ABCB5: variants seen among roughly 807,000 people sequenced by gnomAD.
The protein encoded by ABCB5 is ATP-binding cassette sub-family B member 5.
ABCB5 carries 155 observed loss-of-function variants against 144.2 expected under a neutral mutation model. That is an observed-to-expected ratio of 1.08 (90% CI 0.94 to 1.23). ABCB5 has a LOEUF of 1.23. Ranked by LOEUF, ABCB5 falls within the 50% of genes most tolerant of loss-of-function variation. The pLI is 0.00. For synonymous variants in ABCB5, 610 were observed against 528.6 expected (o/e 1.15, Z -2.11); for missense variants, 1,830 against 1,520.8 (o/e 1.20, Z -3.38).
chr7:20,659,299 C>T (rs1172407188), intron 14 of ABCB5: 70 of 1,431,276 alleles, frequency 4.9e-5, no homozygotes, highest in Non-Finnish European at 5.9e-5. Flanking sequence ...ACAGTTTTCT[C>T]GATGGCCTGA....
chr7:20,637,101 G>A (rs1344405954), intron 5 of ABCB5, among the ~76,000 whole-genome samples: 5 of 152,112 alleles, frequency 3.3e-5, no homozygotes, highest in African/African-American at 9.7e-5. Context: ...ATTAGCATCT[G>A]TGGAACTAAT....
intron 14 of ABCB5, among the ~76,000 whole-genome samples, chr7:20,674,749 T>TACACACACAC (rs71555815): frequency 2.2e-4 from 31 of 140,344 alleles, no homozygotes; most frequent in African/African-American, 5.5e-4. Flanking sequence ...CTCTAAAGAC[T>TACACACACAC]ACACACACAC....
At chr7:20,623,401 A>C in intron 2 of ABCB5, 63 bp downstream of exon 2, 1 of 1,288,006 alleles carries the variant, frequency 7.8e-7, no homozygotes. Context: ...CATCCTTTCC[A>C]CACCTATAGC....
At chr7:20,663,994 G>T (rs1161133929) in intron 14 of ABCB5, among the ~76,000 whole-genome samples, 1 of 151,066 alleles carries the variant, frequency 6.6e-6, no homozygotes, top group Non-Finnish European at 1.5e-5. Context: ...GGGTTTACAG[G>T]CATGAGCCAC....
At chr7:20,727,863 T>TC (rs926837604) in intron 22 of ABCB5, among the ~76,000 whole-genome samples, 1 of 152,060 alleles carries the variant, frequency 6.6e-6, no homozygotes, top group Non-Finnish European at 1.5e-5. Context: ...AGTGATGCTT[T>TC]TTATATTACT....
At chr7:20,652,334 G>A (rs1314727670) in intron 13 of ABCB5, among the ~76,000 whole-genome samples, 1 of 152,156 alleles carries the variant, frequency 6.6e-6, no homozygotes, top group Admixed American at 6.5e-5. Flanking sequence ...GTGGGAGGCC[G>A]AGGTGGGCAG....
At chr7:20,669,366 CA>C (rs1785379042) in intron 14 of ABCB5, among the ~76,000 whole-genome samples, 1 of 146,134 alleles carries the variant, frequency 6.8e-6, no homozygotes, top group Non-Finnish European at 1.5e-5. Context: ...GGAGACTTTT[CA>C]TTTTGTTCTG....
chr7:20,744,775 A>T (rs923326726), intron 25 of ABCB5, among the ~76,000 whole-genome samples: 19 of 151,752 alleles, frequency 1.3e-4, no homozygotes, highest in South Asian at 4.2e-4. Flanking sequence ...TAATAAAATT[A>T]AAAAAATATA....
intron 3 of ABCB5, among the ~76,000 whole-genome samples, chr7:20,628,057 G>A (rs1441625381): frequency 6.6e-6 from 1 of 152,010 alleles, no homozygotes; most frequent in African/African-American, 2.4e-5. Flanking sequence ...TGTTCACAAC[G>A]TGCAGGTTTG....
chr7:20,732,314 A>T (rs1782246444), intron 23 of ABCB5, among the ~76,000 whole-genome samples: 1 of 151,858 alleles, frequency 6.6e-6, no homozygotes, highest in African/African-American at 2.4e-5. Flanking sequence ...AGTTCCCCTA[A>T]CCCTCCCTCC....
chr7:20,652,512 G>C (rs1222281178), intron 13 of ABCB5, among the ~76,000 whole-genome samples: 1 of 152,208 alleles, frequency 6.6e-6, no homozygotes, highest in African/African-American at 2.4e-5. Flanking sequence ...GGAGATTGCA[G>C]TGAGCTGAGA....
intron 20 of ABCB5, among the ~76,000 whole-genome samples, chr7:20,710,394 C>A (rs1434331691): frequency 2.5e-4 from 22 of 87,954 alleles, no homozygotes; most frequent in East Asian, 9.9e-4. Flanking sequence ...GGGGGGGGGG[C>A]ATGACTGTGT....
Position 20,651,290 on chromosome 7 carries a change from A to C in ABCB5, c.1333-130A>C, listed in dbSNP as rs1426780586. On this transcript the variant is annotated intron_variant, in intron 12 of 27. Coordinates refer to ENST00000404938, the MANE Select transcript of ABCB5 (RefSeq NM_001163941.2). The stretch of plus-strand genomic sequence containing the variant: ...ACAATATATATGTTAGAAATATTTT[A>C]TCAAAATATAGTCAGTCTTTGATTT... 8 of 814,744 alleles carry C rather than the reference A, an allele frequency of 9.8e-6. No homozygotes were observed. The African/African-American group carries it at 1.2e-4, about 12-fold the overall frequency. 50.5% of individuals were successfully genotyped at this position (814,744 alleles called of 1,614,324 possible).
chr7:20,639,217 A>G (rs1484355036), intron 5 of ABCB5, among the ~76,000 whole-genome samples: 4 of 152,190 alleles, frequency 2.6e-5, no homozygotes, highest in Admixed American at 2.6e-4. Context: ...TCTTCTTATT[A>G]TTAAGTGGTA....
intron 5 of ABCB5, among the ~76,000 whole-genome samples, chr7:20,636,970 T>C (rs897494767): frequency 2.6e-5 from 4 of 152,104 alleles, no homozygotes; most frequent in Non-Finnish European, 5.9e-5. Context: ...ATCCGATACA[T>C]AGGATACATA....
At chr7:20,746,631 T>C (rs775677176) in intron 26 of ABCB5, among the ~76,000 whole-genome samples, 9 of 152,282 alleles carry the variant, frequency 5.9e-5, no homozygotes, top group Middle Eastern at 6.8e-3. Flanking sequence ...CTGTGGCAAT[T>C]GGCACAAAAT....
intron 26 of ABCB5, among the ~76,000 whole-genome samples, chr7:20,745,674 T>C (rs182165272): frequency 2.0e-5 from 3 of 152,356 alleles, no homozygotes; most frequent in Admixed American, 2.0e-4. Flanking sequence ...TTTCACATTT[T>C]GTTATTTGCC....
At chr7:20,638,085 T>TTTTG (rs1199957882) in intron 5 of ABCB5, among the ~76,000 whole-genome samples, 1 of 152,120 alleles carries the variant, frequency 6.6e-6, no homozygotes, top group African/African-American at 2.4e-5. Context: ...GAGTGTGTTG[T>TTTTG]TTTGTTTGTT....
chr7:20,622,180 A>C (rs1783817872), intron 1 of ABCB5, among the ~76,000 whole-genome samples: 1 of 152,130 alleles, frequency 6.6e-6, no homozygotes, highest in South Asian at 2.1e-4. Context: ...GCGAGGCTTA[A>C]TTGTTTTGAT....
Sources: allele counts gnomAD v4.1 joint callset (sites outside exome capture counted in the v4.1 genomes callset), GRCh38; gene constraint gnomAD v4.1.1; transcripts MANE v1.5; gene names NCBI Gene and HGNC (gene_info 2026-07-23, HGNC 2026-07-21).